Variants in LDLRAD3 observed in about 807,000 individuals in gnomAD.
LDLRAD3 encodes the protein low-density lipoprotein receptor class A domain-containing protein 3.
Under a neutral mutation model 29.4 loss-of-function variants are expected in LDLRAD3, and 20 were observed. The ratio of observed to expected loss-of-function variants is 0.68; its 90% CI spans 0.48 to 0.99. The LOEUF (loss-of-function observed/expected upper bound fraction) is 0.99. Among genes scored for constraint, LDLRAD3 ranks in the 50% least tolerant of loss-of-function variants. LDLRAD3 has a pLI of 0.00. For synonymous variants in LDLRAD3, 157 were observed against 192.7 expected (o/e 0.81, Z 1.53); for missense variants, 420 against 454.3 (o/e 0.92, Z 0.69).
intron 4 of LDLRAD3, among the ~76,000 whole-genome samples, chr11:36,191,568 C>CTCTCTCTT (rs1449089775): frequency 1.5e-4 from 12 of 78,894 alleles, no homozygotes; most frequent in Non-Finnish European, 2.9e-4. Context: ...CTCTCTCTCT[C>CTCTCTCTT]TCTCTCTCTA....
At chr11:36,155,989 A>G (rs904557) in intron 4 of LDLRAD3, among the ~76,000 whole-genome samples, 131,444 of 152,170 alleles carry the variant, frequency 0.86, 56,869 homozygotes, top group East Asian at 0.95. Context: ...TAGATGAGTC[A>G]TGTTCTGCCT....
At chr11:36,076,221 C>T (rs566286589) in intron 2 of LDLRAD3, among the ~76,000 whole-genome samples, 26 of 132,322 alleles carry the variant, frequency 2.0e-4, no homozygotes, top group African/African-American at 7.1e-4. Context: ...TCTGTCCATC[C>T]GTCCATCCAT....
intron 4 of LDLRAD3, among the ~76,000 whole-genome samples, chr11:36,143,314 C>T (rs1243744586): frequency 6.6e-6 from 1 of 152,218 alleles, no homozygotes; most frequent in Non-Finnish European, 1.5e-5. Context: ...AAACCCAAGG[C>T]CTGGCGTCCT....
chr11:36,219,476 T>G (rs541929081), intron 4 of LDLRAD3, among the ~76,000 whole-genome samples: 10 of 150,694 alleles, frequency 6.6e-5, no homozygotes, highest in African/African-American at 2.5e-4. Flanking sequence ...TCATACAAAA[T>G]AGATAGTCTA....
At chr11:36,018,701 T>A (rs1316878346) in intron 1 of LDLRAD3, among the ~76,000 whole-genome samples, 1 of 152,176 alleles carries the variant, frequency 6.6e-6, no homozygotes, top group Non-Finnish European at 1.5e-5. Flanking sequence ...CAATTTATAC[T>A]CCCACCAGTA....
chr11:35,954,774 A>C (rs1411377111), intron 1 of LDLRAD3, among the ~76,000 whole-genome samples: 1 of 152,232 alleles, frequency 6.6e-6, no homozygotes, highest in Non-Finnish European at 1.5e-5. Flanking sequence ...GCAATGTATT[A>C]TAGCAATTTT....
At chr11:35,994,955 C>T (rs1296695441) in intron 1 of LDLRAD3, among the ~76,000 whole-genome samples, 1 of 152,194 alleles carries the variant, frequency 6.6e-6, no homozygotes, top group Non-Finnish European at 1.5e-5. Flanking sequence ...TTGCTCTTTC[C>T]ACTACATCTG....
At chr11:36,091,664 A>C (rs1448535867) in intron 3 of LDLRAD3, among the ~76,000 whole-genome samples, 1 of 152,196 alleles carries the variant, frequency 6.6e-6, no homozygotes, top group Admixed American at 6.5e-5. Flanking sequence ...CCCTAGTGAA[A>C]TAAATATTGT....
chr11:35,950,798 C>T (rs898046991), intron 1 of LDLRAD3, among the ~76,000 whole-genome samples: 1 of 152,040 alleles, frequency 6.6e-6, no homozygotes, highest in Non-Finnish European at 1.5e-5. Context: ...AAATAATACA[C>T]GGGGGCCAGG....
intron 4 of LDLRAD3, among the ~76,000 whole-genome samples, chr11:36,205,365 C>A (rs765321269): frequency 6.6e-6 from 1 of 152,100 alleles, no homozygotes; most frequent in Non-Finnish European, 1.5e-5. Context: ...AAGTGAATTC[C>A]AAGGAGTAGG....
chr11:36,216,846 C>T (rs1855359347), intron 4 of LDLRAD3, among the ~76,000 whole-genome samples: 1 of 152,154 alleles, frequency 6.6e-6, no homozygotes. Flanking sequence ...ATTGAAGTTA[C>T]TGGAAAGGGA....
At chr11:36,024,653 A>G (rs1388448200) in intron 1 of LDLRAD3, among the ~76,000 whole-genome samples, 1 of 152,032 alleles carries the variant, frequency 6.6e-6, no homozygotes, top group African/African-American at 2.4e-5. Flanking sequence ...CCCTCAAACC[A>G]CTTCTTCTGT....
Position 36,229,453 on chromosome 11 carries a change from T to C in LDLRAD3, c.*56T>C. 1 of 1,287,456 alleles carries C rather than the reference T, an allele frequency of 7.8e-7. No homozygotes were observed. The highest frequency in any genetic ancestry group is 1.9e-4 in the Middle Eastern group (1 of 5,298). 79.8% of individuals were successfully genotyped at this position (1,287,456 alleles called of 1,614,324 possible). On this transcript the variant is annotated 3_prime_UTR_variant, in exon 6 of 6. Transcript: ENST00000315571. ...AATCTGCTCTGACTTGTTGCCATTCTAACAATTTGTGCTCATGGGAAGCTC... is the reference window on the plus strand; with the variant it reads ...AATCTGCTCTGACTTGTTGCCATTCCAACAATTTGTGCTCATGGGAAGCTC...
chr11:36,128,555 A>G (rs2133303411), intron 4 of LDLRAD3, among the ~76,000 whole-genome samples: 1 of 152,308 alleles, frequency 6.6e-6, no homozygotes. Context: ...TTTAATCAGA[A>G]AAACCACTCT....
At position 35,975,829 on chromosome 11, in the gene LDLRAD3, G is replaced by A. The variant is rs1018923078; in HGVS notation, c.46+31685G>A. 2.8e-5 allele frequency among the ~76,000 whole-genome samples: 4 copies of A among 140,804 alleles called. No individual in the cohort carries two copies. In the East Asian group the frequency reaches 7.7e-4, roughly 27 times the overall value. The allele number at this position is 140,804 out of a possible 152,430, so 92.4% of individuals were successfully genotyped here. On this transcript the variant is annotated intron_variant, in intron 1 of 5. Coordinates refer to ENST00000315571, the MANE Select transcript of LDLRAD3 (RefSeq NM_174902.4). ...CCCAGGAACAGGAGGGAGCACTGGG[G>A]ATTTTTTTTTTTTTTTTTTAGAAGA...
chr11:35,994,759 T>G (rs748196464), intron 1 of LDLRAD3, among the ~76,000 whole-genome samples: 4 of 152,256 alleles, frequency 2.6e-5, no homozygotes, highest in Non-Finnish European at 4.4e-5. Context: ...GCCAGCTGTT[T>G]ATGGAATATT....
rs137983171 is a variant in LDLRAD3 at position 36,053,282 on chromosome 11, C to A, written c.193+17033C>A. ...AATCTCATTTTGACATCTGTGATTC[C>A]AAAGACAGCACTGTAATTGTCTTTT... On this transcript the variant is annotated intron_variant, in intron 2 of 5. Transcript: ENST00000315571. Among the ~76,000 whole-genome samples, 478 of 152,056 alleles carry A rather than the reference C, an allele frequency of 3.1e-3. 2 individuals carry two copies. Among genetic ancestry groups the A allele is most frequent in the Middle Eastern group, 0.01 (3 of 294 alleles).
chr11:36,164,090 A>G (rs558740893), intron 4 of LDLRAD3, among the ~76,000 whole-genome samples: 1 of 152,276 alleles, frequency 6.6e-6, no homozygotes, highest in East Asian at 1.9e-4. Context: ...CCAGCCTCTT[A>G]CCACTGCCCT....
chr11:36,117,966 T>G lies in LDLRAD3; in HGVS notation c.454+19505T>G, dbSNP rs1853697954. 1.3e-5 allele frequency among the ~76,000 whole-genome samples: 2 copies of G among 152,212 alleles called. 1 individual carries two copies. The highest frequency in any genetic ancestry group is 4.1e-4 in the South Asian group (2 of 4,832). On this transcript the variant is annotated intron_variant, in intron 4 of 5. Transcript: ENST00000315571. ...AAGGTGTGTTTGGAGCTAGAAGAGT[T>G]GCCCTGGAGAATATCTAGTTATAGT...
Sources: allele counts gnomAD v4.1 joint callset (sites outside exome capture counted in the v4.1 genomes callset), GRCh38; gene constraint gnomAD v4.1.1; transcripts MANE v1.5; gene names NCBI Gene and HGNC (gene_info 2026-07-23, HGNC 2026-07-21).